The following LINGO2 variants were observed in gnomAD, a reference collection of about 807,000 sequenced individuals.
The protein encoded by LINGO2 is leucine rich repeat and Ig domain containing 2, also known as leucine-rich repeat and immunoglobulin-like domain-containing nogo receptor-interacting protein 2.
In LINGO2, 14 loss-of-function variants were observed where a neutral mutation model predicts 30.6. That is an observed-to-expected ratio of 0.46 (90% CI 0.30 to 0.72). The LOEUF (loss-of-function observed/expected upper bound fraction) is 0.72, where lower values mean the gene tolerates loss of function less well. Ranked by LOEUF, LINGO2 falls within the 30% of genes least tolerant of loss-of-function variation. The pLI, the probability that LINGO2 is intolerant of heterozygous loss-of-function variation, is 0.07. For synonymous variants in LINGO2, 317 were observed against 288.5 expected, an observed-to-expected ratio of 1.10 and a Z score of -1.00; for missense variants, 729 against 751.7, an observed-to-expected ratio of 0.97 and a Z score of 0.35.
the LINGO2 span, among the ~76,000 whole-genome samples, chr9:28,880,442 G>A: frequency 1.4e-4 from 22 of 152,268 alleles, no homozygotes; most frequent in Admixed American, 8.5e-4. Flanking sequence ...TTAACAAAAT[G>A]TTTACAAGCA....
At chr9:29,057,928 G>A in the LINGO2 span, among the ~76,000 whole-genome samples, 1 of 151,984 alleles carries the variant, frequency 6.6e-6, no homozygotes, top group Non-Finnish European at 1.5e-5. Flanking sequence ...AGAGTTCAAC[G>A]ACAAGGCTTG....
the LINGO2 span, among the ~76,000 whole-genome samples, chr9:28,842,699 C>A: frequency 6.6e-6 from 1 of 151,950 alleles, no homozygotes; most frequent in South Asian, 2.1e-4. Context: ...TCTGCTCTTT[C>A]ATTTTCACTC....
chr9:28,163,181 T>C (rs1025758252), intron 4 of LINGO2, among the ~76,000 whole-genome samples: 17 of 152,096 alleles, frequency 1.1e-4, no homozygotes, highest in Non-Finnish European at 2.4e-4. Flanking sequence ...CAGAAAACAA[T>C]TGTATAAGTC....
At chr9:28,269,747 C>T (rs1044564915) in intron 4 of LINGO2, among the ~76,000 whole-genome samples, 4 of 152,102 alleles carry the variant, frequency 2.6e-5, no homozygotes, top group East Asian at 1.9e-4. Flanking sequence ...ATTTCATCAG[C>T]GTAGCCATTC....
At chr9:28,545,780 T>C (rs1035749763) in intron 1 of LINGO2, among the ~76,000 whole-genome samples, 1 of 152,076 alleles carries the variant, frequency 6.6e-6, no homozygotes, top group African/African-American at 2.4e-5. Flanking sequence ...GTATACTTAC[T>C]GTATATTGTG....
At chr9:28,242,238 A>T (rs764992516) in intron 4 of LINGO2, among the ~76,000 whole-genome samples, 1 of 152,170 alleles carries the variant, frequency 6.6e-6, no homozygotes, top group Non-Finnish European at 1.5e-5. Context: ...AAAATGTTAG[A>T]GGAGGTGGTA....
chr9:27,987,644 G>T (rs1389693331), intron 5 of LINGO2, among the ~76,000 whole-genome samples: 1 of 151,932 alleles, frequency 6.6e-6, no homozygotes, highest in African/African-American at 2.4e-5. Flanking sequence ...TTGACTGTGG[G>T]AGAAGTGGGG....
chr9:28,090,736 A>C (rs528212644), intron 4 of LINGO2, among the ~76,000 whole-genome samples: 1 of 152,288 alleles, frequency 6.6e-6, no homozygotes, highest in Non-Finnish European at 1.5e-5. Context: ...AGGAGAAAGA[A>C]ATAAAGGGTA....
At chr9:28,326,997 T>C (rs1172602245) in intron 3 of LINGO2, among the ~76,000 whole-genome samples, 2 of 152,106 alleles carry the variant, frequency 1.3e-5, no homozygotes, top group African/African-American at 4.8e-5. Flanking sequence ...TGTTGAAAAA[T>C]TGATCTTCAA....
At chr9:28,270,655 C>G (rs556561376) in intron 4 of LINGO2, among the ~76,000 whole-genome samples, 1 of 152,224 alleles carries the variant, frequency 6.6e-6, no homozygotes, top group Non-Finnish European at 1.5e-5. Context: ...CAGATCACGA[C>G]TGAATATGTT....
intron 5 of LINGO2, among the ~76,000 whole-genome samples, chr9:27,991,080 A>G (rs1009872944): frequency 1.3e-5 from 2 of 152,040 alleles, no homozygotes; most frequent in African/African-American, 4.8e-5. Flanking sequence ...AAAAAAGGGA[A>G]GGGTACTCTG....
chr9:28,203,288 C>T (rs1487445072), intron 4 of LINGO2, among the ~76,000 whole-genome samples: 1 of 152,188 alleles, frequency 6.6e-6, no homozygotes, highest in African/African-American at 2.4e-5. Flanking sequence ...AATGTTCACT[C>T]TGCTAAGCAA....
the LINGO2 span, among the ~76,000 whole-genome samples, chr9:28,991,804 C>G: frequency 5.8e-3 from 859 of 148,510 alleles, 7 homozygotes; most frequent in African/African-American, 0.02. Flanking sequence ...ACTTTACAGA[C>G]AAGCAAATGC....
At chr9:29,172,049 CA>C in the LINGO2 span, among the ~76,000 whole-genome samples, 1 of 151,712 alleles carries the variant, frequency 6.6e-6, no homozygotes, top group African/African-American at 2.4e-5. Context: ...TATATTTGAC[CA>C]AAAGGCAGGT....
the LINGO2 span, among the ~76,000 whole-genome samples, chr9:29,183,777 G>A: frequency 6.6e-6 from 1 of 151,294 alleles, no homozygotes; most frequent in East Asian, 2.0e-4. Context: ...AGCTGTTTGA[G>A]ATGCTACACA....
At chr9:28,221,514 G>A (rs1052945519) in intron 4 of LINGO2, among the ~76,000 whole-genome samples, 9 of 151,928 alleles carry the variant, frequency 5.9e-5, no homozygotes, top group Non-Finnish European at 8.8e-5. Context: ...GTTGGGATCC[G>A]ATTTAAAAAA....
the LINGO2 span, among the ~76,000 whole-genome samples, chr9:28,700,073 C>G: frequency 2.0e-5 from 3 of 151,940 alleles, no homozygotes; most frequent in Non-Finnish European, 4.4e-5. Flanking sequence ...GTGACCTACT[C>G]CTACCCTTTT....
At chr9:29,024,328 T>C in the LINGO2 span, among the ~76,000 whole-genome samples, 1 of 152,120 alleles carries the variant, frequency 6.6e-6, no homozygotes, top group African/African-American at 2.4e-5. Flanking sequence ...GCACCATGGA[T>C]AGACAGAACT....
intron 4 of LINGO2, among the ~76,000 whole-genome samples, chr9:28,024,190 C>A (rs181030353): frequency 2.0e-5 from 3 of 152,220 alleles, no homozygotes; most frequent in Non-Finnish European, 4.4e-5. Context: ...TCTGGTGATA[C>A]CTTTAAGCAA....
Sources: gnomAD v4.1 joint callset for allele counts (sites outside exome capture counted in the v4.1 genomes callset) on GRCh38, gnomAD v4.1.1 for gene constraint, MANE v1.5 for transcripts, NCBI Gene and HGNC (gene_info 2026-07-23, HGNC 2026-07-21) for gene names.